Variants in RNF216 observed in about 807,000 individuals in gnomAD.
RNF216 encodes the protein E3 ubiquitin-protein ligase RNF216.
Under a neutral mutation model 110.8 loss-of-function variants are expected in RNF216, and 72 were observed. That is an observed-to-expected ratio of 0.65 (90% CI 0.54 to 0.79). The LOEUF is 0.79. RNF216 is among the 30% of genes least tolerant of loss of function. RNF216 has a pLI of 0.00. For synonymous variants in RNF216, 495 were observed against 407.5 expected, an observed-to-expected ratio of 1.21 and a Z score of -2.59; for missense variants, 1,342 against 1,141.2, an observed-to-expected ratio of 1.18 and a Z score of -2.54.
intron 3 of RNF216, among the ~76,000 whole-genome samples, chr7:5,744,739 G>A (rs980962596): frequency 6.6e-6 from 1 of 152,182 alleles, no homozygotes; most frequent in Non-Finnish European, 1.5e-5. Flanking sequence ...TTGGGAGCCT[G>A]AGGCAGATGG....
intron 15 of RNF216, among the ~76,000 whole-genome samples, chr7:5,636,873 A>C (rs1444092028): frequency 2.0e-5 from 3 of 152,250 alleles, no homozygotes; most frequent in Admixed American, 2.0e-4. Flanking sequence ...TATGGCACCC[A>C]AACAAGGAAA....
intron 13 of RNF216, 42 bp from the exon 14 acceptor site, chr7:5,652,552 G>T: frequency 7.6e-7 from 1 of 1,307,788 alleles, no homozygotes; most frequent in Non-Finnish European, 1.1e-6. Context: ...CCTGGTGAGT[G>T]GACACCACAG....
intron 13 of RNF216, among the ~76,000 whole-genome samples, chr7:5,674,092 T>C (rs1018654366): frequency 4.0e-5 from 6 of 151,648 alleles, no homozygotes; most frequent in Non-Finnish European, 5.9e-5. Flanking sequence ...TGCAATGGCG[T>C]TATCTCGGCT....
At chr7:5,689,937 A>C (rs529382984) in intron 13 of RNF216, among the ~76,000 whole-genome samples, 97 of 151,304 alleles carry the variant, frequency 6.4e-4, no homozygotes, top group Non-Finnish European at 9.6e-4. Flanking sequence ...TCTCAAACAA[A>C]AAAAAAAAAA....
chr7:5,769,167 G>C lies in RNF216; in HGVS notation c.-69-8029C>G, dbSNP rs147171669. The stretch of plus-strand genomic sequence containing the variant: ...GGAGTTCCCCTCTGTTGCCAGACTG[G>C]AGTGCAGTGGCACAATCTCAGCTCA... On this transcript the variant is annotated intron_variant, in intron 1 of 16. Coordinates refer to ENST00000389902, the MANE Select transcript of RNF216 (RefSeq NM_207111.4). Among the ~76,000 whole-genome samples the C allele has an allele frequency of 7.7e-3, 1,145 of 149,074 alleles. 16 individuals carry two copies. The highest frequency in any genetic ancestry group is 0.027 in the African/African-American group (1,101 of 40,532).
chr7:5,746,985 T>C (rs1412203542), intron 3 of RNF216, among the ~76,000 whole-genome samples: 1 of 152,160 alleles, frequency 6.6e-6, no homozygotes, highest in African/African-American at 2.4e-5. Flanking sequence ...AAAAAGCTAA[T>C]GAAAAACTAG....
At chr7:5,660,943 G>GTTTTGTT (rs1554352520) in intron 13 of RNF216, among the ~76,000 whole-genome samples, 2 of 90,164 alleles carry the variant, frequency 2.2e-5, no homozygotes, top group African/African-American at 1.1e-4. Flanking sequence ...GAAGCCTTAG[G>GTTTTGTT]TTTTTTTTTT....
In RNF216 at chr7:5,729,459, G is replaced by A; in HGVS notation, c.1362C>T (p.Leu454=). 1 of 1,614,142 alleles carries A rather than the reference G, an allele frequency of 6.2e-7. No individual in the cohort carries two copies. The highest frequency in any genetic ancestry group is 8.5e-7 in the Non-Finnish European group (1 of 1,180,030). The part of the protein sequence containing the change: ...SQDIKWALHE[L]KGHYAITRKA... ...TTCGGGTGATTGCATAGTGTCCTTT[G>A]AGCTCGTGCAGGGCCCACTTGATGT... is the stretch of plus-strand genomic sequence containing the variant. The change falls in exon 7 of 17, where the codon CTC becomes CTT. Residue 454 remains leucine, a synonymous_variant. Transcript: ENST00000389902.
At position 5,729,384 on chromosome 7, in the gene RNF216, A is replaced by C. The variant is rs1246539651; in HGVS notation, c.1389+48T>G. Reference sequence around the variant, plus strand: ...AACTGTTCATTCTGTTACCATGGGAAGATGTAGTCAAGAGGTGTGACCCCA... The same window carrying C: ...AACTGTTCATTCTGTTACCATGGGACGATGTAGTCAAGAGGTGTGACCCCA... On this transcript the variant is annotated intron_variant, in intron 7 of 16. Transcript: ENST00000389902. 3.2e-6 allele frequency: 5 copies of C among 1,571,228 alleles called. No homozygotes were observed. The African/African-American group carries it at 5.4e-5, about 17-fold the overall frequency.
At chr7:5,679,191 G>A (rs1790497429) in intron 13 of RNF216, among the ~76,000 whole-genome samples, 1 of 152,142 alleles carries the variant, frequency 6.6e-6, no homozygotes, top group Admixed American at 6.5e-5. Flanking sequence ...CCTCGGGTAG[G>A]GGTGGTGGTG....
At chr7:5,678,180 C>T (rs1185059770) in intron 13 of RNF216, among the ~76,000 whole-genome samples, 3 of 152,192 alleles carry the variant, frequency 2.0e-5, no homozygotes, top group South Asian at 4.1e-4. Flanking sequence ...AGGTTTACTT[C>T]TGAGGCTCTG....
intron 2 of RNF216, among the ~76,000 whole-genome samples, chr7:5,754,146 G>A (rs908553944): frequency 1.3e-5 from 2 of 151,430 alleles, no homozygotes; most frequent in African/African-American, 4.9e-5. Flanking sequence ...GTGTGTGTGT[G>A]TGTGTGTGTG....
rs1790551431 is a variant in RNF216 at position 5,680,075 on chromosome 7, T to C, written c.2062-27565A>G. 2.0e-5 allele frequency among the ~76,000 whole-genome samples: 3 copies of C among 152,176 alleles called. No homozygotes were observed. Among genetic ancestry groups the C allele is most frequent in the South Asian group, 2.1e-4 (1 of 4,832 alleles). On this transcript the variant is annotated intron_variant, in intron 13 of 16. Coordinates refer to ENST00000389902, the MANE Select transcript of RNF216 (RefSeq NM_207111.4). This position sits in a 1 kb window ranked among gnomAD's most constrained non-coding sequence, Gnocchi z 4.3. ...CACTACCCTGTTTAATGACCATGGA[T>C]AGACTTCCTGCTGCAATCAGGAAGA...
Position 5,741,446 on chromosome 7 carries a change from T to C in RNF216, c.571A>G (p.Ser191Gly). 1.2e-6 allele frequency: 2 copies of C among 1,614,214 alleles called. No homozygotes were observed. The highest frequency in any genetic ancestry group is 1.7e-6 in the Non-Finnish European group (2 of 1,180,030). The change falls in exon 4 of 17, where the codon AGC (serine) becomes GGC (glycine). Residue 191 changes from serine to glycine, a missense_variant. Ser to Gly is a moderately conservative substitution (Grantham distance 56, BLOSUM62 0). Transcript: ENST00000389902. ...TGGTTCTGAGTTTCCAAAGGATCGC[T>C]TTCTGTGTAAAGAAGGCTACCTTCT... is the stretch of plus-strand genomic sequence containing the variant. ...LEEGSLLYTE[S>G]DPLETQNQSS...
At chr7:5,746,166 T>C (rs1795020011) in intron 3 of RNF216, among the ~76,000 whole-genome samples, 1 of 152,216 alleles carries the variant, frequency 6.6e-6, no homozygotes. Flanking sequence ...TTCTCAGGTC[T>C]GAGCTCTGCT....
chr7:5,641,216 G>T lies in RNF216; in HGVS notation c.2320C>A (p.Pro774Thr), dbSNP rs1291599394. 1.2e-6 allele frequency: 2 copies of T among 1,614,048 alleles called. No homozygotes were observed. Among genetic ancestry groups the T allele is most frequent in the African/African-American group, 2.7e-5 (2 of 74,918 alleles). ...TGGCAAGGGGCTCCTGGTGAGCGGG[G>T]ATGTTGGCAGAAATGGTCATATCCA... ...INGYDHFCQH[P>T]RSPGAPCQEC... Residue 774 changes from proline (P) to threonine (T), a missense_variant, in exon 15 of 17, where the codon CCC becomes ACC. By Grantham distance (38) the Pro-to-Thr change is conservative. Transcript: ENST00000389902.
intron 14 of RNF216, among the ~76,000 whole-genome samples, chr7:5,650,373 T>C (rs567606505): frequency 9.2e-5 from 14 of 152,324 alleles, no homozygotes; most frequent in East Asian, 3.9e-4. Flanking sequence ...CAGGAACCGA[T>C]AGGACAATCA....
At chr7:5,676,194 G>A (rs1293436798) in intron 13 of RNF216, among the ~76,000 whole-genome samples, 1 of 151,320 alleles carries the variant, frequency 6.6e-6, no homozygotes, top group Non-Finnish European at 1.5e-5. Context: ...GTATTTTTAG[G>A]AGAGATAGGG....
chr7:5,657,508 G>A lies in RNF216; in HGVS notation c.2062-4998C>T, dbSNP rs187096786. ...CTTGAACCCAGGAGGTAGTGGTTGCGGTGAGCCGAAATCTTGCCATTGCAC... is the reference window on the plus strand; with the variant it reads ...CTTGAACCCAGGAGGTAGTGGTTGCAGTGAGCCGAAATCTTGCCATTGCAC... On this transcript the variant is annotated intron_variant, in intron 13 of 16. Transcript: ENST00000389902. Among the ~76,000 whole-genome samples, 38 of 152,078 alleles carry A rather than the reference G, an allele frequency of 2.5e-4. No individual in the cohort carries two copies. The Middle Eastern group carries it at 0.01, about 41-fold the overall frequency.
Sources: allele counts gnomAD v4.1 joint callset (sites outside exome capture counted in the v4.1 genomes callset), GRCh38; gene constraint gnomAD v4.1.1; non-coding constraint Gnocchi (gnomAD v3.1); transcripts MANE v1.5; gene names NCBI Gene and HGNC (gene_info 2026-07-23, HGNC 2026-07-21).